ARHGEF38: variants seen among roughly 807,000 people sequenced by gnomAD.
ARHGEF38 encodes Rho guanine nucleotide exchange factor (GEF) 38.
A neutral mutation model predicts 79.9 loss-of-function variants in ARHGEF38; 79 were observed. The ratio of observed to expected loss-of-function variants is 0.99; its 90% CI spans 0.82 to 1.19. The LOEUF is 1.19. Among genes scored for constraint, ARHGEF38 ranks in the 50% most tolerant of loss-of-function variants. ARHGEF38 has a pLI of 0.00. For synonymous variants in ARHGEF38, 366 were observed against 328.3 expected (o/e 1.11, Z -1.24); for missense variants, 962 against 907.2 (o/e 1.06, Z -0.78).
At chr4:105,583,522 C>T (rs1726895317) in intron 1 of ARHGEF38, among the ~76,000 whole-genome samples, 1 of 152,220 alleles carries the variant, frequency 6.6e-6, no homozygotes, top group African/African-American at 2.4e-5. Flanking sequence ...GACTCTCTCA[C>T]CTTTCAACTC....
rs368062123 is a variant in ARHGEF38, at chr4:105,571,955, A to G, written c.197-17293A>G. On this transcript the variant is annotated intron_variant, in intron 1 of 13. Coordinates refer to ENST00000420470, the MANE Select transcript of ARHGEF38 (RefSeq NM_001242729.2). ...AGTACATTAGTCCTGTGTGTTGTAC[A>G]TGATATATAGTCAAACAGCCTGTGA... 7.9e-5 allele frequency among the ~76,000 whole-genome samples: 12 copies of G among 152,374 alleles called. 1 individual carries two copies. In the East Asian group the frequency reaches 1.5e-3, roughly 20 times the overall value.
At chr4:105,603,642 T>G (rs1349975482) in intron 2 of ARHGEF38, among the ~76,000 whole-genome samples, 1 of 152,170 alleles carries the variant, frequency 6.6e-6, no homozygotes, top group African/African-American at 2.4e-5. Context: ...TACCTTCATA[T>G]TCTGCCATTC....
chr4:105,590,521 ATATCT>A (rs1485610230), intron 2 of ARHGEF38, among the ~76,000 whole-genome samples: 1 of 152,198 alleles, frequency 6.6e-6, no homozygotes, highest in Non-Finnish European at 1.5e-5. Context: ...ACTACAAATA[ATATCT>A]TGTAACATAC....
intron 3 of ARHGEF38, among the ~76,000 whole-genome samples, chr4:105,629,472 T>G (rs1729091467): frequency 6.6e-6 from 1 of 151,986 alleles, no homozygotes; most frequent in Non-Finnish European, 1.5e-5. Context: ...CACTTTTATT[T>G]CTGTGGAAAG....
Position 105,654,085 on chromosome 4 carries a change from C to T in ARHGEF38, c.1029C>T (p.Asn343=). Residue 343 remains asparagine (N), a synonymous_variant, in exon 8 of 14, where the codon AAC becomes AAT. Transcript: ENST00000420470. ...GESQVKDNTF[N]REEKLFRALE... is the part of the protein sequence containing the mutation. Reference sequence around the variant, plus strand: ...TTTAGGTTAAAGACAATACCTTTAACAGAGAAGAAAAGCTGTTTAGAGCTT... The same window carrying T: ...TTTAGGTTAAAGACAATACCTTTAATAGAGAAGAAAAGCTGTTTAGAGCTT... 1 of 1,507,320 alleles carries T rather than the reference C, an allele frequency of 6.6e-7. No individual in the cohort carries two copies. Among genetic ancestry groups the T allele is most frequent in the Non-Finnish European group, 8.9e-7 (1 of 1,128,120 alleles). 93.4% of individuals were successfully genotyped at this position (1,507,320 alleles called of 1,614,324 possible). A position where few individuals can be genotyped will look rare whatever the true frequency, so the allele number is the denominator to read the frequency against.
At chr4:105,567,641 G>C (rs1039203792) in intron 1 of ARHGEF38, among the ~76,000 whole-genome samples, 1 of 152,058 alleles carries the variant, frequency 6.6e-6, no homozygotes, top group African/African-American at 2.4e-5. Flanking sequence ...TCAATACCCT[G>C]TCTTTACTTC....
chr4:105,580,017 A>ACG (rs1560698465), intron 1 of ARHGEF38, among the ~76,000 whole-genome samples: 1 of 152,046 alleles, frequency 6.6e-6, no homozygotes, highest in Non-Finnish European at 1.5e-5. Flanking sequence ...GTTTGTGTGC[A>ACG]TTGTGTGTTC....
At chr4:105,664,624 A>G (rs1356125449) in intron 10 of ARHGEF38, among the ~76,000 whole-genome samples, 2 of 152,224 alleles carry the variant, frequency 1.3e-5, no homozygotes, top group African/African-American at 2.4e-5. Flanking sequence ...CCAGTAGGAA[A>G]AACATAATGC....
intron 1 of ARHGEF38, among the ~76,000 whole-genome samples, chr4:105,587,903 G>C (rs761698660): frequency 4.3e-4 from 65 of 152,146 alleles, no homozygotes; most frequent in Non-Finnish European, 7.2e-4. Context: ...CTCACCTGTG[G>C]GTCTGGATTG....
At chr4:105,565,200 C>T (rs1477828543) in intron 1 of ARHGEF38, among the ~76,000 whole-genome samples, 1 of 152,134 alleles carries the variant, frequency 6.6e-6, no homozygotes, top group Admixed American at 6.5e-5. Flanking sequence ...ATATTCCCAG[C>T]CCCAGTATTT....
chr4:105,553,851 T>A (rs1578244395), intron 1 of ARHGEF38, among the ~76,000 whole-genome samples: 2 of 152,164 alleles, frequency 1.3e-5, no homozygotes, highest in African/African-American at 4.8e-5. Context: ...ACTCTCATCA[T>A]CCCACTGTGA....
At chr4:105,554,227 G>T (rs1725145471) in intron 1 of ARHGEF38, among the ~76,000 whole-genome samples, 1 of 152,064 alleles carries the variant, frequency 6.6e-6, no homozygotes, top group South Asian at 2.1e-4. Flanking sequence ...TTTAGATTCA[G>T]GGGGTATATA....
chr4:105,656,364 TG>T (rs773558817), intron 9 of ARHGEF38, among the ~76,000 whole-genome samples: 57 of 152,278 alleles, frequency 3.7e-4, no homozygotes, highest in Non-Finnish European at 6.8e-4. Context: ...AGGTACTCAC[TG>T]AGGATATGAC....
At chr4:105,637,371 C>G (rs1202924371) in intron 5 of ARHGEF38, among the ~76,000 whole-genome samples, 2 of 152,082 alleles carry the variant, frequency 1.3e-5, no homozygotes, top group Non-Finnish European at 2.9e-5. Context: ...TTTTGAGACA[C>G]CAGACAGGCA....
chr4:105,583,831 T>C (rs1300151700), intron 1 of ARHGEF38, among the ~76,000 whole-genome samples: 2 of 152,182 alleles, frequency 1.3e-5, no homozygotes, highest in African/African-American at 4.8e-5. Context: ...TGAGAGCCAG[T>C]TAGTGTCCTT....
At chr4:105,633,786 C>T (rs1317350866) in intron 4 of ARHGEF38, among the ~76,000 whole-genome samples, 4 of 152,116 alleles carry the variant, frequency 2.6e-5, no homozygotes, top group Admixed American at 6.6e-5. Context: ...CTCAGGAACA[C>T]AAACCCTAGT....
chr4:105,600,636 T>C (rs1329545527), intron 2 of ARHGEF38, among the ~76,000 whole-genome samples: 1 of 152,166 alleles, frequency 6.6e-6, no homozygotes, highest in African/African-American at 2.4e-5. Flanking sequence ...AGCCTAGACA[T>C]TTTCCCTGAA....
chr4:105,625,232 T>C (rs1728896392), intron 3 of ARHGEF38, among the ~76,000 whole-genome samples: 1 of 152,226 alleles, frequency 6.6e-6, no homozygotes, highest in Admixed American at 6.5e-5. Context: ...TTTCATATAA[T>C]TTTTAAATGA....
chr4:105,601,650 TG>T (rs926382535), intron 2 of ARHGEF38, among the ~76,000 whole-genome samples: 22 of 152,174 alleles, frequency 1.4e-4, no homozygotes, highest in African/African-American at 5.3e-4. Context: ...GGGATGCTCC[TG>T]GGGGTGTTAA....
Sources: gnomAD v4.1 joint callset for allele counts (sites outside exome capture counted in the v4.1 genomes callset) on GRCh38, gnomAD v4.1.1 for gene constraint, MANE v1.5 for transcripts, NCBI Gene and HGNC (gene_info 2026-07-23, HGNC 2026-07-21) for gene names.